WWOX: variants seen among roughly 807,000 people sequenced by gnomAD.
WWOX encodes WW domain-containing oxidoreductase.
WWOX carries 69 observed loss-of-function variants against 46.2 expected under a neutral mutation model. The ratio of observed to expected loss-of-function variants is 1.49; its 90% CI spans 1.23 to 1.82. The LOEUF (loss-of-function observed/expected upper bound fraction) is 1.82, where lower values mean the gene tolerates loss of function less well. Among genes scored for constraint, WWOX ranks in the 40% most tolerant of loss-of-function variants. WWOX has a pLI of 0.00. For synonymous variants in WWOX, 359 were observed against 202.6 expected (o/e 1.77, Z -6.56); for missense variants, 919 against 542.6 (o/e 1.69, Z -6.89).
intron 8 of WWOX, among the ~76,000 whole-genome samples, chr16:78,564,001 C>T (rs1418369898): frequency 6.6e-6 from 1 of 152,172 alleles, no homozygotes; most frequent in Non-Finnish European, 1.5e-5. Context: ...GCTACGAACC[C>T]TTTTACTTCT....
At chr16:78,621,889 G>C (rs1426827848) in intron 8 of WWOX, among the ~76,000 whole-genome samples, 1 of 152,028 alleles carries the variant, frequency 6.6e-6, no homozygotes, top group African/African-American at 2.4e-5. Flanking sequence ...ACAGGCGTGA[G>C]CCACCGTGCC....
chr16:78,549,323 G>T (rs1297442128), intron 8 of WWOX, among the ~76,000 whole-genome samples: 1 of 152,188 alleles, frequency 6.6e-6, no homozygotes, highest in Non-Finnish European at 1.5e-5. Flanking sequence ...CGTTCAACCT[G>T]ATTGAATCTG....
At chr16:78,321,058 C>T (rs1430861745) in intron 5 of WWOX, among the ~76,000 whole-genome samples, 1 of 152,080 alleles carries the variant, frequency 6.6e-6, no homozygotes, top group Non-Finnish European at 1.5e-5. Flanking sequence ...AATACTCATA[C>T]TCAGTGCTGC....
intron 5 of WWOX, among the ~76,000 whole-genome samples, chr16:78,385,627 C>G (rs544019283): frequency 2.6e-5 from 4 of 152,260 alleles, no homozygotes; most frequent in African/African-American, 9.6e-5. Context: ...CGCTGAACGT[C>G]TCAGCCCAGC....
At chr16:78,264,588 C>G (rs1234413141) in intron 5 of WWOX, 1 of 152,392 alleles carries the variant, frequency 6.6e-6, no homozygotes, top group Non-Finnish European at 1.5e-5. Flanking sequence ...TGAGATTCCT[C>G]TTGCAGCACT....
At chr16:78,783,956 G>T (rs2050394150) in intron 8 of WWOX, among the ~76,000 whole-genome samples, 1 of 151,906 alleles carries the variant, frequency 6.6e-6, no homozygotes, top group Non-Finnish European at 1.5e-5. Flanking sequence ...GTTGGTGATG[G>T]TGATGCTGGT....
intron 8 of WWOX, among the ~76,000 whole-genome samples, chr16:78,845,805 G>A (rs1413670377): frequency 1.3e-5 from 2 of 152,178 alleles, no homozygotes; most frequent in South Asian, 2.1e-4. Flanking sequence ...TTATAAGCTG[G>A]CTTATGTGGG....
In WWOX at chr16:78,858,677, A is replaced by C. The variant is rs368635308; in HGVS notation, c.1057-352931A>C. Among the ~76,000 whole-genome samples the C allele has an allele frequency of 7.9e-5, 12 of 152,058 alleles. No individual in the cohort carries two copies. The East Asian group carries it at 1.7e-3, about 22-fold the overall frequency. ...GTCATGTTTGAATTGTGTTCCATCA[A>C]CATGTCCTTTTTATTTTTTTGAGAT... On this transcript the variant is annotated intron_variant, in intron 8 of 8. Coordinates refer to ENST00000566780, the MANE Select transcript of WWOX (RefSeq NM_016373.4).
intron 5 of WWOX, among the ~76,000 whole-genome samples, chr16:78,215,396 G>T (rs929321724): frequency 6.6e-6 from 1 of 152,110 alleles, no homozygotes; most frequent in African/African-American, 2.4e-5. Flanking sequence ...CCCTCATGCT[G>T]TTCTCGTGAT....
At chr16:78,768,759 T>C (rs1366243931) in intron 8 of WWOX, among the ~76,000 whole-genome samples, 1 of 152,202 alleles carries the variant, frequency 6.6e-6, no homozygotes, top group Non-Finnish European at 1.5e-5. Flanking sequence ...GAAATGCTCA[T>C]TTCACAGCTT....
chr16:78,633,484 A>G (rs965052784), intron 8 of WWOX, among the ~76,000 whole-genome samples: 1 of 152,184 alleles, frequency 6.6e-6, no homozygotes, highest in Non-Finnish European at 1.5e-5. Flanking sequence ...CCACGAGTTC[A>G]GAACTTTGGT....
At chr16:78,764,987 A>T (rs114775682) in intron 8 of WWOX, among the ~76,000 whole-genome samples, 8 of 152,298 alleles carry the variant, frequency 5.3e-5, no homozygotes, top group African/African-American at 1.9e-4. Context: ...AAAACTTAAG[A>T]TATGGTTGAG....
chr16:78,416,976 T>C (rs7189947), intron 6 of WWOX, among the ~76,000 whole-genome samples: 1,781 of 152,044 alleles, frequency 0.012, 29 homozygotes, highest in African/African-American at 0.039. Context: ...TCTGTCCATT[T>C]CAGGGAGCTT....
chr16:78,905,594 C>T (rs546205057), intron 8 of WWOX, among the ~76,000 whole-genome samples: 10 of 151,916 alleles, frequency 6.6e-5, no homozygotes, highest in East Asian at 1.9e-4. Flanking sequence ...TTGACCAGGC[C>T]GGACTCAAAC....
At chr16:78,954,078 T>G (rs1382794054) in intron 8 of WWOX, among the ~76,000 whole-genome samples, 2 of 152,242 alleles carry the variant, frequency 1.3e-5, no homozygotes, top group African/African-American at 2.4e-5. Flanking sequence ...TCTTATTCAG[T>G]TCCTAGTCAT....
Position 78,534,724 on chromosome 16 carries a change from A to AT in WWOX, c.1056+101980dup, listed in dbSNP as rs899011797. 1.7e-4 allele frequency among the ~76,000 whole-genome samples: 25 copies of AT among 147,080 alleles called. No individual in the cohort carries two copies. In the Middle Eastern group the frequency reaches 0.014, roughly 84 times the overall value. ...TCTTTTTATTTTTTTATTTCATTTT[A>AT]TTTTTTTTGAGACAGAGTCTCTGTC... On this transcript the variant is annotated intron_variant, in intron 8 of 8. Coordinates refer to ENST00000566780, the MANE Select transcript of WWOX (RefSeq NM_016373.4).
intron 8 of WWOX, among the ~76,000 whole-genome samples, chr16:78,649,912 C>G (rs949557634): frequency 6.6e-6 from 1 of 152,150 alleles, no homozygotes; most frequent in East Asian, 1.9e-4. Flanking sequence ...AAATCTGTGT[C>G]TGTGTTTGGA....
intron 8 of WWOX, among the ~76,000 whole-genome samples, chr16:78,619,676 A>G (rs1412948041): frequency 6.6e-6 from 1 of 151,900 alleles, no homozygotes; most frequent in East Asian, 1.9e-4. Flanking sequence ...AGTCCAAGGT[A>G]GGAGGGTCAC....
chr16:78,565,685 G>C (rs1377410982), intron 8 of WWOX, among the ~76,000 whole-genome samples: 4 of 152,116 alleles, frequency 2.6e-5, no homozygotes, highest in African/African-American at 9.7e-5. Context: ...CTCTTGTAGG[G>C]AGTCATTATT....
Sources: allele counts gnomAD v4.1 joint callset (sites outside exome capture counted in the v4.1 genomes callset), GRCh38; gene constraint gnomAD v4.1.1; transcripts MANE v1.5; gene names NCBI Gene and HGNC (gene_info 2026-07-23, HGNC 2026-07-21).